Variants in SCAF4 observed in about 807,000 individuals in gnomAD.
SCAF4 encodes the protein SR-related CTD associated factor 4, also known as SR-related and CTD-associated factor 4.
Under a neutral mutation model 129.8 loss-of-function variants are expected in SCAF4, and 25 were observed. The observed-to-expected ratio is 0.19, with a 90% CI of 0.14 to 0.27. SCAF4 has a LOEUF of 0.27. Among genes scored for constraint, SCAF4 ranks in the 10% least tolerant of loss-of-function variants. The probability of loss-of-function intolerance (pLI) is 1.00; values close to 1 mark genes in which losing one functional copy is unlikely to be tolerated. For missense variants in SCAF4, 1,246 were observed against 1,457.1 expected, an observed-to-expected ratio of 0.86 and a Z score of 2.36; for synonymous variants, 551 against 497.7, an observed-to-expected ratio of 1.11 and a Z score of -1.43.
chr21:31,723,067 A>C (rs139158062), intron 1 of SCAF4, among the ~76,000 whole-genome samples: 1 of 152,368 alleles, frequency 6.6e-6, no homozygotes, highest in Non-Finnish European at 1.5e-5. Context: ...TGATGTTTAA[A>C]ACTTCCTATT....
At chr21:31,685,369 A>C (rs772823716) in intron 18 of SCAF4, 29 bp downstream of exon 18, 5 of 1,584,650 alleles carry the variant, frequency 3.2e-6, no homozygotes, top group Non-Finnish European at 4.3e-6. Flanking sequence ...CAAGAGGATA[A>C]GCAAACACAA....
chr21:31,696,821 C>A, intron 7 of SCAF4, 71 bp from the exon 8 acceptor site: 1 of 1,318,718 alleles, frequency 7.6e-7, no homozygotes, highest in Non-Finnish European at 1.1e-6. Flanking sequence ...TTTATGAAAA[C>A]AAGGGATGTT....
chr21:31,700,564 A>C (rs1325066327), intron 7 of SCAF4, among the ~76,000 whole-genome samples: 2 of 152,188 alleles, frequency 1.3e-5, no homozygotes, highest in African/African-American at 2.4e-5. Flanking sequence ...ACAACAACAA[A>C]AAAGATACAA....
intron 1 of SCAF4, among the ~76,000 whole-genome samples, chr21:31,724,612 C>A (rs1004101983): frequency 6.6e-6 from 1 of 152,036 alleles, no homozygotes; most frequent in African/African-American, 2.4e-5. Flanking sequence ...TTTGAGTGTG[C>A]GCAGATATGT....
intron 1 of SCAF4, among the ~76,000 whole-genome samples, chr21:31,729,112 T>G (rs546783173): frequency 1.3e-5 from 2 of 152,346 alleles, no homozygotes; most frequent in African/African-American, 4.8e-5. Flanking sequence ...CAGTTTTGAT[T>G]ACATTATCCC....
At position 31,685,670 on chromosome 21, in the gene SCAF4, G is replaced by A. The variant is rs753325665; in HGVS notation, c.2107C>T (p.Pro703Ser). 1 of 1,613,710 alleles carries A rather than the reference G, an allele frequency of 6.2e-7. No individual in the cohort carries two copies. Among genetic ancestry groups the A allele is most frequent in the African/African-American group, 1.3e-5 (1 of 75,042 alleles). Reference sequence around the variant, plus strand: ...AAGCCTGGAGGCGGTATTCCCAGAGGAGGCGTGAAAGCAGGCGGCTGGAGA... The same window carrying A: ...AAGCCTGGAGGCGGTATTCCCAGAGAAGGCGTGAAAGCAGGCGGCTGGAGA... ...GALQPPAFTP[P>S]LGIPPPGFGP... Residue 703 changes from proline to serine, a missense_variant, in exon 17 of 20, where the codon CCT (proline) becomes TCT (serine). By Grantham distance (74) the Pro-to-Ser change is moderately conservative. Around this residue, in one of 6 missense-constraint regions of SCAF4, gnomAD observed 468 missense variants for 605.5 expected, o/e 0.77. Coordinates refer to ENST00000286835, the MANE Select transcript of SCAF4 (RefSeq NM_020706.2).
rs200398694 is a variant in SCAF4 at position 31,717,946 on chromosome 21, CATAT to C, written c.31-11593_31-11590del. Among the ~76,000 whole-genome samples the C allele has an allele frequency of 5.9e-3, 704 of 118,626 alleles. 11 individuals are homozygous for C. Among genetic ancestry groups the C allele is most frequent in the African/African-American group, 0.022 (576 of 26,604 alleles). 77.8% of individuals were successfully genotyped at this position (118,626 alleles called of 152,430 possible). A position where few individuals can be genotyped will look rare whatever the true frequency, so the allele number is the denominator to read the frequency against. ...ACACACACACACACACACACACACA[CATAT>C]ATATTTTTTTGAGATGGAGTTTCAC... is the stretch of plus-strand genomic sequence containing the variant. On this transcript the variant is annotated intron_variant, in intron 1 of 19. Coordinates refer to ENST00000286835, the MANE Select transcript of SCAF4 (RefSeq NM_020706.2).
intron 3 of SCAF4, 140 bp downstream of exon 3, chr21:31,705,283 A>G (rs1055776900): frequency 1.0e-4 from 48 of 462,530 alleles, no homozygotes; most frequent in Non-Finnish European, 1.6e-4. Flanking sequence ...GTGTTTTTAT[A>G]AACTTCTAGT....
intron 1 of SCAF4, among the ~76,000 whole-genome samples, chr21:31,713,522 A>C (rs2050854024): frequency 1.3e-5 from 2 of 152,210 alleles, no homozygotes; most frequent in African/African-American, 4.8e-5. Flanking sequence ...CCTGGAGTTA[A>C]TCCAGAGCAG....
chr21:31,672,221 AG>A lies in SCAF4; in HGVS notation c.2621del (p.Pro874LeufsTer2). 1 of 1,610,420 alleles carries A rather than the reference AG, an allele frequency of 6.2e-7. No homozygotes were observed. Among genetic ancestry groups the A allele is most frequent in the Non-Finnish European group, 8.5e-7 (1 of 1,178,066 alleles). On this transcript the variant is annotated frameshift_variant, in exon 20 of 20. Transcript: ENST00000286835. LOFTEE classifies it high-confidence loss of function. ...GTGGCATGGGACGGGGCGGCATCAAAGGGAACCGCTGTAAGTGAGGTGGGGG... is the reference window on the plus strand; with the variant it reads ...GTGGCATGGGACGGGGCGGCATCAAAGGAACCGCTGTAAGTGAGGTGGGGG... ...GMPPPHLQRF[P>X]LMPPRPMPPH...
At chr21:31,725,687 A>C (rs2051184601) in intron 1 of SCAF4, among the ~76,000 whole-genome samples, 1 of 152,136 alleles carries the variant, frequency 6.6e-6, no homozygotes, top group Non-Finnish European at 1.5e-5. Context: ...GAATACTAAG[A>C]TAGTTCTTGC....
Position 31,692,588 on chromosome 21 carries a change from A to T in SCAF4, c.1514-139T>A, listed in dbSNP as rs544456986. 243 of 548,160 alleles carry T rather than the reference A, an allele frequency of 4.4e-4. 2 individuals carry two copies. The highest frequency in any genetic ancestry group is 2.0e-3 in the South Asian group (63 of 31,698). 34.0% of individuals were successfully genotyped at this position (548,160 alleles called of 1,614,324 possible). On this transcript the variant is annotated intron_variant, in intron 12 of 19. Coordinates refer to ENST00000286835, the MANE Select transcript of SCAF4 (RefSeq NM_020706.2). ...AGTTTAAATAGTAAATCTCACATAC[A>T]TTTTAAAAATTCTAGAAAACTGCAT...
In SCAF4 at chr21:31,692,413, T is replaced by C. The variant is rs2050280819; in HGVS notation, c.1550A>G (p.Lys517Arg). ...STTLWVGQLDKRTTQQDVASL... is the reference protein window; with the variant it reads ...STTLWVGQLDRRTTQQDVASL... ...GGCAACATCCTGCTGAGTAGTTCTT[T>C]TGTCCAGCTGCCCCACCCAGAGGGT... The change falls in exon 13 of 20, where the codon AAA becomes AGA. Residue 517 changes from lysine to arginine, a missense_variant. This residue lies in a region of SCAF4 where 468 missense variants were observed against 605.5 expected (regional missense o/e 0.77). Coordinates refer to ENST00000286835, the MANE Select transcript of SCAF4 (RefSeq NM_020706.2). The C allele has an allele frequency of 2.5e-6, 4 of 1,614,060 alleles. No individual in the cohort carries two copies. The highest frequency in any genetic ancestry group is 3.4e-6 in the Non-Finnish European group (4 of 1,179,954).
At chr21:31,729,142 G>A (rs2051282826) in intron 1 of SCAF4, among the ~76,000 whole-genome samples, 1 of 152,284 alleles carries the variant, frequency 6.6e-6, no homozygotes, top group East Asian at 1.9e-4. Flanking sequence ...AACCTTCAAT[G>A]TTTACCCACA....
chr21:31,690,653 A>G, intron 15 of SCAF4, 144 bp downstream of exon 15: 1 of 632,628 alleles, frequency 1.6e-6, no homozygotes, highest in Non-Finnish European at 2.7e-6. Flanking sequence ...TTTAACCCTC[A>G]GTTTATAATG....
At chr21:31,681,961 C>A (rs2050004682) in intron 19 of SCAF4, among the ~76,000 whole-genome samples, 1 of 152,112 alleles carries the variant, frequency 6.6e-6, no homozygotes, top group Non-Finnish European at 1.5e-5. Flanking sequence ...TCCAAGAACT[C>A]AGTTAAGTCT....
chr21:31,717,288 T>G (rs1250449581), intron 1 of SCAF4, among the ~76,000 whole-genome samples: 1 of 152,140 alleles, frequency 6.6e-6, no homozygotes, highest in Non-Finnish European at 1.5e-5. Context: ...CAATAATTAT[T>G]GAGAAAATGA....
At chr21:31,709,710 C>T (rs2050754629) in intron 1 of SCAF4, among the ~76,000 whole-genome samples, 1 of 152,220 alleles carries the variant, frequency 6.6e-6, no homozygotes, top group Non-Finnish European at 1.5e-5. Flanking sequence ...TACTACATTC[C>T]ATAAAAATAT....
chr21:31,708,736 AC>A (rs1458857967), intron 1 of SCAF4, among the ~76,000 whole-genome samples: 2 of 152,146 alleles, frequency 1.3e-5, no homozygotes, highest in East Asian at 3.9e-4. Flanking sequence ...GAAACTAGAA[AC>A]CCTCCCTTCC....
Sources: gnomAD v4.1 joint callset for allele counts (sites outside exome capture counted in the v4.1 genomes callset) on GRCh38, gnomAD v4.1.1 for gene constraint, gnomAD v4.1.1 regional missense constraint, MANE v1.5 for transcripts, NCBI Gene and HGNC (gene_info 2026-07-23, HGNC 2026-07-21) for gene names.